Variants in PRKN observed in about 807,000 individuals in gnomAD.
PRKN encodes E3 ubiquitin-protein ligase parkin.
Under a neutral mutation model 59.5 loss-of-function variants are expected in PRKN, and 56 were observed. That is an observed-to-expected ratio of 0.94 (90% CI 0.76 to 1.18). PRKN has a LOEUF of 1.18. PRKN is among the 50% of genes most tolerant of loss of function. The pLI is 0.00. For synonymous variants in PRKN, 250 were observed against 222.1 expected, an observed-to-expected ratio of 1.13 and a Z score of -1.12; for missense variants, 657 against 596.4, an observed-to-expected ratio of 1.10 and a Z score of -1.06.
At chr6:162,569,528 G>A (rs1012900598) in intron 1 of PRKN, 11 of 709,882 alleles carry the variant, frequency 1.5e-5, no homozygotes, top group South Asian at 1.4e-4. Context: ...GACCACCAGC[G>A]CCTATGCAGA....
At chr6:161,573,439 G>A (rs9347520) in intron 7 of PRKN, among the ~76,000 whole-genome samples, 94,535 of 150,874 alleles carry the variant, frequency 0.63, 29,961 homozygotes, top group African/African-American at 0.72. Flanking sequence ...AATTTCATTC[G>A]GCCAGGTGCG....
intron 9 of PRKN, among the ~76,000 whole-genome samples, chr6:161,426,679 C>CACAT (rs1788377481): frequency 2.0e-5 from 1 of 49,566 alleles, no homozygotes; most frequent in African/African-American, 8.1e-5. Context: ...ACACACACCT[C>CACAT]CTATTAGTTC....
chr6:162,094,110 T>C (rs113745109), intron 4 of PRKN, among the ~76,000 whole-genome samples: 2 of 152,226 alleles, frequency 1.3e-5, no homozygotes, highest in African/African-American at 4.8e-5. Context: ...ACACAGACAC[T>C]GACTGAGTAG....
intron 1 of PRKN, among the ~76,000 whole-genome samples, chr6:162,694,473 G>T (rs1777900239): frequency 6.6e-6 from 1 of 152,074 alleles, no homozygotes; most frequent in Admixed American, 6.5e-5. Flanking sequence ...CATTTGCACA[G>T]GTGCTCCTAG....
intron 6 of PRKN, among the ~76,000 whole-genome samples, chr6:161,793,138 C>T (rs1485781365): frequency 6.6e-6 from 1 of 152,210 alleles, no homozygotes; most frequent in African/African-American, 2.4e-5. Context: ...CTCCGAGATA[C>T]TAATTGATAG....
intron 4 of PRKN, among the ~76,000 whole-genome samples, chr6:162,103,704 G>A (rs184896696): frequency 2.8e-4 from 43 of 152,132 alleles, no homozygotes; most frequent in Admixed American, 1.1e-3. Context: ...TCAGAGGAAC[G>A]CCAGGGCAGT....
At chr6:161,876,424 A>C (rs951133865) in intron 6 of PRKN, among the ~76,000 whole-genome samples, 13 of 152,020 alleles carry the variant, frequency 8.6e-5, no homozygotes, top group Admixed American at 4.6e-4. Flanking sequence ...CAATCCCTTC[A>C]CCCCAGCCAC....
At chr6:161,425,719 A>G (rs985344921) in intron 9 of PRKN, among the ~76,000 whole-genome samples, 1 of 152,148 alleles carries the variant, frequency 6.6e-6, no homozygotes, top group Non-Finnish European at 1.5e-5. Flanking sequence ...TTGGGTCAAA[A>G]TGTTTGTAAA....
intron 6 of PRKN, among the ~76,000 whole-genome samples, chr6:161,959,276 C>T (rs1780294535): frequency 6.6e-6 from 1 of 152,100 alleles, no homozygotes; most frequent in Non-Finnish European, 1.5e-5. Flanking sequence ...AGCATCGGCA[C>T]CTGTCCCTGG....
intron 7 of PRKN, among the ~76,000 whole-genome samples, chr6:161,713,313 T>C (rs1240173646): frequency 6.6e-6 from 1 of 152,128 alleles, no homozygotes; most frequent in African/African-American, 2.4e-5. Context: ...CAAATCTTGT[T>C]GTTCAAGAGT....
chr6:161,703,199 G>A (rs1022637320), intron 7 of PRKN, among the ~76,000 whole-genome samples: 3 of 152,110 alleles, frequency 2.0e-5, no homozygotes, highest in African/African-American at 4.8e-5. Context: ...AGTTACATGG[G>A]AGGCTGAGGC....
At chr6:161,617,688 T>G (rs1245421766) in intron 7 of PRKN, among the ~76,000 whole-genome samples, 1 of 152,208 alleles carries the variant, frequency 6.6e-6, no homozygotes, top group South Asian at 2.1e-4. Context: ...TTTAGCTAGG[T>G]GTTTCTCATA....
intron 6 of PRKN, among the ~76,000 whole-genome samples, chr6:161,801,710 G>A (rs1217715143): frequency 6.6e-6 from 1 of 152,116 alleles, no homozygotes; most frequent in Non-Finnish European, 1.5e-5. Flanking sequence ...CTCACTGGAA[G>A]CTCTTTCTTC....
chr6:162,383,867 T>C (rs748459567), intron 2 of PRKN, among the ~76,000 whole-genome samples: 2 of 152,224 alleles, frequency 1.3e-5, no homozygotes, highest in Non-Finnish European at 2.9e-5. Context: ...CACTTGCTGC[T>C]TCACCTTACA....
At position 161,548,027 on chromosome 6, in the gene PRKN, A is replaced by C. The variant is rs972870829; in HGVS notation, c.1083+827T>G. On this transcript the variant is annotated intron_variant, in intron 9 of 11. Coordinates refer to ENST00000366898, the MANE Select transcript of PRKN (RefSeq NM_004562.3). This position sits in a 1 kb window ranked among gnomAD's most constrained non-coding sequence, Gnocchi z 4.2. ...CAAGACTGGCTAATACAACTCTGCT[A>C]TCTGTGCTCCTTCTTGCACAAAACT... Among the ~76,000 whole-genome samples, 26 of 152,340 alleles carry C rather than the reference A, an allele frequency of 1.7e-4. No individual in the cohort carries two copies. The highest frequency in any genetic ancestry group is 5.2e-4 in the Admixed American group (8 of 15,296).
In PRKN at chr6:161,384,303, CAG is replaced by C. The variant is rs372346020; in HGVS notation, c.1167+2489_1167+2490del. ...GCGCAGTGGCTCACGCCTGTCATCT[CAG>C]TACTTTGGGAGGCTTGCTTGAGCTC... On this transcript the variant is annotated intron_variant, in intron 10 of 11. Transcript: ENST00000366898. 5.5e-3 allele frequency among the ~76,000 whole-genome samples: 837 copies of C among 152,288 alleles called. 8 individuals carry two copies. The highest frequency in any genetic ancestry group is 0.019 in the African/African-American group (776 of 41,558).
chr6:161,559,139 TC>T (rs1289660209), intron 8 of PRKN, among the ~76,000 whole-genome samples: 1 of 151,564 alleles, frequency 6.6e-6, no homozygotes, highest in Admixed American at 6.6e-5. Flanking sequence ...TTTTTTTTTT[TC>T]CAGATATTTC....
rs1786750202 is a variant in PRKN at position 161,396,163 on chromosome 6, A to G, written c.1084-9286T>C. Among the ~76,000 whole-genome samples the G allele has an allele frequency of 6.6e-6, 1 of 152,046 alleles. No individual in the cohort carries two copies. The highest frequency in any genetic ancestry group is 2.1e-4 in the South Asian group (1 of 4,826). ...CTTTTCTTACTTTCTCTTTACTGTA[A>G]CCATTTCTGAAAACAATTCCTATGG... On this transcript the variant is annotated intron_variant, in intron 9 of 11. Transcript: ENST00000366898. The surrounding 1 kb of genome is among the most constrained non-coding windows in gnomAD (Gnocchi z 5.4).
At chr6:161,486,431 A>T (rs1023910948) in intron 9 of PRKN, among the ~76,000 whole-genome samples, 3 of 152,202 alleles carry the variant, frequency 2.0e-5, no homozygotes, top group African/African-American at 4.8e-5. Context: ...TCATGCATAG[A>T]ACCATAAGGA....
Sources: gnomAD v4.1 joint callset for allele counts (sites outside exome capture counted in the v4.1 genomes callset) on GRCh38, gnomAD v4.1.1 for gene constraint, Gnocchi (gnomAD v3.1) non-coding constraint, MANE v1.5 for transcripts, NCBI Gene and HGNC (gene_info 2026-07-23, HGNC 2026-07-21) for gene names.